The following RAI1 variants were observed in gnomAD, a reference collection of about 807,000 sequenced individuals.
RAI1 encodes the protein retinoic acid induced 1.
A neutral mutation model predicts 123.8 loss-of-function variants in RAI1; 9 were observed. That is an observed-to-expected ratio of 0.07 (90% CI 0.04 to 0.13). RAI1 has a LOEUF of 0.13. RAI1 is among the 10% of genes least tolerant of loss of function. RAI1 has a pLI of 1.00. For synonymous variants in RAI1, 1,231 were observed against 1,127.3 expected (o/e 1.09, Z -1.84); for missense variants, 2,256 against 2,545.8 (o/e 0.89, Z 2.45).
In RAI1 at chr17:17,796,857, G is replaced by A. The variant is rs1598092471; in HGVS notation, c.3909G>A (p.Lys1303=). The change falls in exon 3 of 6, where the codon AAG becomes AAA. Residue 1303 remains lysine (K), a synonymous_variant. Coordinates refer to ENST00000353383, the MANE Select transcript of RAI1 (RefSeq NM_030665.4). The surrounding 1 kb of genome is among the most constrained non-coding windows in gnomAD (Gnocchi z 5.8). The stretch of plus-strand genomic sequence containing the variant: ...CGGAGACCCCCGATGCCTGCCTCAA[G>A]CTCGCCTCTCGGGCAGCCTTCCAGG... ...PPPETPDACL[K]LASRAAFQGA... 1.9e-6 allele frequency: 3 copies of A among 1,612,870 alleles called. No individual in the cohort carries two copies. The highest frequency in any genetic ancestry group is 2.5e-6 in the Non-Finnish European group (3 of 1,179,722).
chr17:17,800,413 A>G lies in RAI1; in HGVS notation c.5565+1900A>G, dbSNP rs1313671752. On this transcript the variant is annotated intron_variant, in intron 3 of 5. Transcript: ENST00000353383. This position sits in a 1 kb window ranked among gnomAD's most constrained non-coding sequence, Gnocchi z 4.7. ...CCTCACCAGGGGCTCCCCGACACTCACGTCCCACCAGGCTGAGATCAGGTC... is the reference window on the plus strand; with the variant it reads ...CCTCACCAGGGGCTCCCCGACACTCGCGTCCCACCAGGCTGAGATCAGGTC... 1.3e-5 allele frequency among the ~76,000 whole-genome samples: 2 copies of G among 151,846 alleles called. No individual in the cohort carries two copies. Among genetic ancestry groups the G allele is most frequent in the African/African-American group, 4.8e-5 (2 of 41,318 alleles).
chr17:17,780,752 C>G (rs2031546263), intron 2 of RAI1, among the ~76,000 whole-genome samples: 1 of 152,214 alleles, frequency 6.6e-6, no homozygotes. Flanking sequence ...TGAGCCTTAT[C>G]AAGACCTTTC....
Position 17,798,190 on chromosome 17 carries a change from G to C in RAI1, c.5242G>C (p.Ala1748Pro), listed in dbSNP as rs766253701. The C allele has an allele frequency of 5.0e-6, 8 of 1,611,510 alleles. No individual in the cohort carries two copies. The East Asian group carries it at 1.8e-4, about 36-fold the overall frequency. Residue 1748 changes from alanine to proline, a missense_variant, in exon 3 of 6, where the codon GCC (alanine) becomes CCC (proline). Transcript: ENST00000353383. ...ACTCAAAGGTCCCGAGTGTGCAGCTGCCGCCACTGCCGGGAAGCCCCCCAG... is the reference window on the plus strand; with the variant it reads ...ACTCAAAGGTCCCGAGTGTGCAGCTCCCGCCACTGCCGGGAAGCCCCCCAG... Reference protein sequence around the residue: ...RTLKGPECAAAATAGKPPRPD... With the variant: ...RTLKGPECAAPATAGKPPRPD...
At chr17:17,772,128 G>A (rs1217339439) in intron 2 of RAI1, among the ~76,000 whole-genome samples, 1 of 152,206 alleles carries the variant, frequency 6.6e-6, no homozygotes, top group Admixed American at 6.5e-5. Context: ...AATATGTACG[G>A]GAGGTTGGGT....
At chr17:17,757,954 G>C (rs2030513770) in intron 2 of RAI1, among the ~76,000 whole-genome samples, 1 of 152,226 alleles carries the variant, frequency 6.6e-6, no homozygotes, top group Non-Finnish European at 1.5e-5. Flanking sequence ...CGGTTTCCCT[G>C]TCTGCCAAAG....
At chr17:17,774,399 C>T (rs1251218885) in intron 2 of RAI1, among the ~76,000 whole-genome samples, 2 of 152,264 alleles carry the variant, frequency 1.3e-5, no homozygotes, top group African/African-American at 2.4e-5. Context: ...TGGACCAGGC[C>T]GGAACACAGG....
At chr17:17,682,368 C>A (rs1362084071) in intron 1 of RAI1, 1 of 147,944 alleles carries the variant, frequency 6.8e-6, no homozygotes, top group Non-Finnish European at 1.5e-5. Flanking sequence ...GGGGCCTGTG[C>A]GCAGGCCCCG....
chr17:17,796,208 A>G lies in RAI1; in HGVS notation c.3260A>G (p.Lys1087Arg), dbSNP rs753917540. 6 of 1,556,354 alleles carry G rather than the reference A, an allele frequency of 3.9e-6. No homozygotes were observed. The highest frequency in any genetic ancestry group is 4.3e-6 in the Non-Finnish European group (5 of 1,150,458). Residue 1087 changes from lysine (K) to arginine (R), a missense_variant, in exon 3 of 6, where the codon AAG becomes AGG. Lys to Arg is a conservative substitution (Grantham distance 26). Coordinates refer to ENST00000353383, the MANE Select transcript of RAI1 (RefSeq NM_030665.4). This position sits in a 1 kb window ranked among gnomAD's most constrained non-coding sequence, Gnocchi z 5.8. ...GCACCCCCAGACAAACTGGGGGGCA[A>G]GCAGCGAGCCGCCTTCAAGTCGGGC... ...TPAPPDKLGG[K>R]QRAAFKSGKR...
intron 1 of RAI1, among the ~76,000 whole-genome samples, chr17:17,694,992 A>G (rs552779778): frequency 6.6e-6 from 1 of 152,006 alleles, no homozygotes; most frequent in South Asian, 2.1e-4. Flanking sequence ...GTTTGGGGAT[A>G]ATGAAAGAGA....
Position 17,798,208 on chromosome 17 carries a change from C to T in RAI1, c.5260C>T (p.Pro1754Ser). Residue 1754 changes from proline to serine, a missense_variant, in exon 3 of 6, where the codon CCC (proline) becomes TCC (serine). Coordinates refer to ENST00000353383, the MANE Select transcript of RAI1 (RefSeq NM_030665.4). ...TGCAGCTGCCGCCACTGCCGGGAAG[C>T]CCCCCAGGCCTGACGGCCCAGCTGA... ...ECAAAATAGK[P>S]PRPDGPADPA... is the part of the protein sequence containing the mutation. 1 of 1,612,414 alleles carries T rather than the reference C, an allele frequency of 6.2e-7. No individual in the cohort carries two copies. Among genetic ancestry groups the T allele is most frequent in the South Asian group, 1.1e-5 (1 of 91,040 alleles).
intron 2 of RAI1, among the ~76,000 whole-genome samples, chr17:17,785,798 C>T (rs1018308515): frequency 1.3e-5 from 2 of 152,212 alleles, no homozygotes; most frequent in African/African-American, 2.4e-5. Flanking sequence ...CCCAGAGCTT[C>T]TGCTGGGCCC....
At chr17:17,798,941 C>G (rs2032365958) in intron 3 of RAI1, among the ~76,000 whole-genome samples, 1 of 152,192 alleles carries the variant, frequency 6.6e-6, no homozygotes, top group South Asian at 2.1e-4. Context: ...CTGTTCCTGT[C>G]TCCATTGCCT....
Position 17,809,101 on chromosome 17 carries a change from C to A in RAI1, c.5660-289C>A. On this transcript the variant is annotated intron_variant, in intron 4 of 5. Transcript: ENST00000353383. This position sits in a 1 kb window ranked among gnomAD's most constrained non-coding sequence, Gnocchi z 4.9. ...GAGTAAGGCGGGAGGGAGGGAGGGA[C>A]TGAGGGACTGCCTCAAGTGAGGAGG... is the stretch of plus-strand genomic sequence containing the variant. 1 of 513,652 alleles carries A rather than the reference C, an allele frequency of 1.9e-6. No individual in the cohort carries two copies. The highest frequency in any genetic ancestry group is 2.0e-5 in the South Asian group (1 of 49,666). 31.8% of individuals were successfully genotyped at this position (513,652 alleles called of 1,614,324 possible).
intron 2 of RAI1, among the ~76,000 whole-genome samples, chr17:17,729,921 T>C (rs369216129): frequency 6.6e-6 from 1 of 152,308 alleles, no homozygotes; most frequent in Non-Finnish European, 1.5e-5. Context: ...GGGAGAGATG[T>C]TTCTGCTGGG....
intron 4 of RAI1, among the ~76,000 whole-genome samples, chr17:17,807,219 GC>G (rs2032611444): frequency 8.3e-6 from 1 of 120,574 alleles, no homozygotes; most frequent in African/African-American, 3.1e-5. Flanking sequence ...TGCAGGGAGG[GC>G]CCCCAGCGTG....
chr17:17,737,418 C>T (rs925347443), intron 2 of RAI1, among the ~76,000 whole-genome samples: 7 of 152,114 alleles, frequency 4.6e-5, no homozygotes, highest in African/African-American at 1.7e-4. Flanking sequence ...GCCTTTGCCA[C>T]CCCCTGGCCC....
chr17:17,716,770 C>T (rs1440558438), intron 1 of RAI1, among the ~76,000 whole-genome samples: 1 of 152,098 alleles, frequency 6.6e-6, no homozygotes, highest in Non-Finnish European at 1.5e-5. Flanking sequence ...GAGGGGCCTC[C>T]TGTGTGGTGC....
At chr17:17,803,559 A>G (rs1041064369) in intron 3 of RAI1, among the ~76,000 whole-genome samples, 197 bp from the exon 4 acceptor site, 22 of 151,484 alleles carry the variant, frequency 1.5e-4, no homozygotes, top group African/African-American at 5.3e-4. Context: ...ACCAACCCTC[A>G]CTATTTTTTG....
chr17:17,783,075 G>GGCGGGCC (rs2031662655), intron 2 of RAI1, among the ~76,000 whole-genome samples: 3 of 152,146 alleles, frequency 2.0e-5, no homozygotes, highest in Non-Finnish European at 2.9e-5. Context: ...GGGGGCTGGT[G>GGCGGGCC]GCAGCCCCCC....
Sources: allele counts gnomAD v4.1 joint callset (sites outside exome capture counted in the v4.1 genomes callset), GRCh38; gene constraint gnomAD v4.1.1; non-coding constraint Gnocchi (gnomAD v3.1); transcripts MANE v1.5; gene names NCBI Gene and HGNC (gene_info 2026-07-23, HGNC 2026-07-21).